Variants in COMMD7 observed in about 807,000 individuals in gnomAD.
COMMD7 encodes COMM domain containing 7, also known as COMM domain-containing protein 7.
A neutral mutation model predicts 34.8 loss-of-function variants in COMMD7; 28 were observed. The ratio of observed to expected loss-of-function variants is 0.80; its 90% CI spans 0.60 to 1.10. The LOEUF (loss-of-function observed/expected upper bound fraction) is 1.10. Ranked by LOEUF, COMMD7 falls within the 50% of genes least tolerant of loss-of-function variation. The pLI is 0.00. For synonymous variants in COMMD7, 80 were observed against 86.4 expected, an observed-to-expected ratio of 0.93 and a Z score of 0.41; for missense variants, 211 against 241.6, an observed-to-expected ratio of 0.87 and a Z score of 0.84.
chr20:32,729,622 A>AG (rs1021796717), intron 1 of COMMD7, among the ~76,000 whole-genome samples: 2 of 151,508 alleles, frequency 1.3e-5, no homozygotes, highest in African/African-American at 4.9e-5. Flanking sequence ...CTCTTAAAAA[A>AG]AAAAAAAAGG....
chr20:32,712,612 TAA>T (rs34447587), intron 3 of COMMD7, among the ~76,000 whole-genome samples: 6 of 141,884 alleles, frequency 4.2e-5, no homozygotes, highest in Non-Finnish European at 6.0e-5. Context: ...CCCAGACCTT[TAA>T]AAAAAAAAAA....
At chr20:32,720,872 C>T (rs565213858) in intron 3 of COMMD7, among the ~76,000 whole-genome samples, 8 of 152,262 alleles carry the variant, frequency 5.3e-5, no homozygotes, top group African/African-American at 1.4e-4. Flanking sequence ...CTATTCAATT[C>T]GCTCTGCACG....
At chr20:32,712,581 C>T (rs1984525927) in intron 3 of COMMD7, among the ~76,000 whole-genome samples, 4 of 147,812 alleles carry the variant, frequency 2.7e-5, no homozygotes. Context: ...TGTAACAAAT[C>T]TGCACACCCT....
At chr20:32,703,969 GA>G in intron 8 of COMMD7, 53 bp downstream of exon 8, 1 of 1,612,884 alleles carries the variant, frequency 6.2e-7, no homozygotes, top group Non-Finnish European at 8.5e-7. Flanking sequence ...ACCAGCCCCT[GA>G]TTGCAGAGAA....
intron 1 of COMMD7, among the ~76,000 whole-genome samples, chr20:32,736,111 T>A (rs921638690): frequency 1.1e-4 from 16 of 152,158 alleles, no homozygotes; most frequent in Non-Finnish European, 1.6e-4. Flanking sequence ...GACCATCAAA[T>A]ATTCCTAAGT....
chr20:32,739,954 G>A (rs935198130), intron 1 of COMMD7, among the ~76,000 whole-genome samples: 9 of 142,512 alleles, frequency 6.3e-5, no homozygotes, highest in South Asian at 2.5e-4. Context: ...CCCTGTAGGC[G>A]GAGGTTTCAG....
In COMMD7 at chr20:32,704,895, T is replaced by C. The variant is rs1983973631; in HGVS notation, c.346A>G (p.Asn116Asp). Reference protein sequence around the residue: ...ATYFSEKWKQNAPTLARWAIG... With the variant: ...ATYFSEKWKQDAPTLARWAIG... ...GCCCATCGAGCAAGGGTGGGAGCAT[T>C]CTGCTTCCACTGGAACAAAAGCAAA... The change falls in exon 6 of 9, where the codon AAT (asparagine) becomes GAT (aspartate). Residue 116 changes from asparagine to aspartate, a missense_variant. Coordinates refer to ENST00000278980, the MANE Select transcript of COMMD7 (RefSeq NM_053041.3). The C allele has an allele frequency of 6.2e-7, 1 of 1,612,460 alleles. No homozygotes were observed. The highest frequency in any genetic ancestry group is 8.5e-7 in the Non-Finnish European group (1 of 1,178,556).
rs1296420443 is a variant in COMMD7 at position 32,704,467 on chromosome 20, CA to C, written c.449del (p.Leu150TrpfsTer11). On this transcript the variant is annotated frameshift_variant, in exon 7 of 9. Transcript: ENST00000278980. LOFTEE classifies it high-confidence loss of function. Reference sequence around the variant, plus strand: ...GTAAAAATATACTTCCCACTTTCTCCAATTCGCTGCTCCCAGATGTCACTGT... The same window carrying C: ...GTAAAAATATACTTCCCACTTTCTCCATTCGCTGCTCCCAGATGTCACTGT... ...KFGVTSGSSE[L>X]EKVGSIFLQL... 2.5e-6 allele frequency: 4 copies of C among 1,608,300 alleles called. No homozygotes were observed. The South Asian group carries it at 4.4e-5, about 18-fold the overall frequency.
At chr20:32,707,290 A>ATATATATATAT (rs1555822509) in intron 3 of COMMD7, among the ~76,000 whole-genome samples, 1 of 119,784 alleles carries the variant, frequency 8.3e-6, no homozygotes, top group Non-Finnish European at 1.9e-5. Context: ...TCTCAAAAAA[A>ATATATATATAT]AAAAATATAT....
At chr20:32,739,643 T>C (rs1337406301) in intron 1 of COMMD7, among the ~76,000 whole-genome samples, 1 of 22,266 alleles carries the variant, frequency 4.5e-5, no homozygotes, top group Non-Finnish European at 1.4e-4. Context: ...AGGCTCTGTA[T>C]CAAAAAAAAA....
At chr20:32,739,878 T>C (rs6058852) in intron 1 of COMMD7, among the ~76,000 whole-genome samples, 85,758 of 139,280 alleles carry the variant, frequency 0.62, 31,748 homozygotes, top group Middle Eastern at 0.78. Flanking sequence ...AAAAATTAGA[T>C]GGGCATGGTG....
chr20:32,728,410 C>A (rs927365003), intron 1 of COMMD7, among the ~76,000 whole-genome samples: 1 of 150,034 alleles, frequency 6.7e-6, no homozygotes, highest in African/African-American at 2.5e-5. Flanking sequence ...CAGATGCACA[C>A]ATATATCTCT....
intron 3 of COMMD7, among the ~76,000 whole-genome samples, chr20:32,726,822 T>C (rs1481401672): frequency 6.6e-6 from 1 of 152,176 alleles, no homozygotes; most frequent in Non-Finnish European, 1.5e-5. Flanking sequence ...TGGAATATTC[T>C]GGTTCAAGCC....
intron 1 of COMMD7, among the ~76,000 whole-genome samples, chr20:32,729,169 T>TA (rs1985697672): frequency 7.6e-6 from 1 of 131,950 alleles, no homozygotes; most frequent in Middle Eastern, 3.4e-3. Context: ...TTATTTTGAT[T>TA]TTTTTTTTTT....
intron 3 of COMMD7, among the ~76,000 whole-genome samples, chr20:32,716,532 G>A (rs1033501108): frequency 3.9e-5 from 6 of 152,098 alleles, no homozygotes; most frequent in Non-Finnish European, 7.4e-5. Context: ...GGAGAATGGC[G>A]TGAACCCGGG....
At chr20:32,727,697 AC>A (rs1280725365) in intron 3 of COMMD7, among the ~76,000 whole-genome samples, 195 bp downstream of exon 3, 9 of 16,498 alleles carry the variant, frequency 5.5e-4, no homozygotes, top group African/African-American at 1.6e-3. Flanking sequence ...GCTGTGCTGC[AC>A]CACAGCACAC....
rs11473460 is a variant in COMMD7 at position 32,737,837 on chromosome 20, T to TA, written c.84+5470dup. On this transcript the variant is annotated intron_variant, in intron 1 of 8. Transcript: ENST00000278980. ...TTGGCAACAGAGTGAGGTCCTGTCTTAAAAAAAAAAAAAGAAAATGAGTCA... is the reference window on the plus strand; with the variant it reads ...TTGGCAACAGAGTGAGGTCCTGTCTTAAAAAAAAAAAAAAGAAAATGAGTCA... 1.6e-3 allele frequency among the ~76,000 whole-genome samples: 232 copies of TA among 141,120 alleles called. 1 individual carries two copies. Among genetic ancestry groups the TA allele is most frequent in the East Asian group, 4.1e-3 (20 of 4,832 alleles). 92.6% of individuals were successfully genotyped at this position (141,120 alleles called of 152,430 possible).
chr20:32,728,739 T>A (rs1042047928), intron 1 of COMMD7, among the ~76,000 whole-genome samples: 1 of 151,838 alleles, frequency 6.6e-6, no homozygotes, highest in African/African-American at 2.4e-5. Flanking sequence ...ACTAATTTTT[T>A]TTTTAATGTA....
intron 1 of COMMD7, among the ~76,000 whole-genome samples, chr20:32,738,342 A>G (rs1017095384): frequency 6.6e-6 from 1 of 152,078 alleles, no homozygotes; most frequent in African/African-American, 2.4e-5. Context: ...TAATCCCAAC[A>G]CTTTGGGAGG....
Sources: gnomAD v4.1 joint callset for allele counts (sites outside exome capture counted in the v4.1 genomes callset) on GRCh38, gnomAD v4.1.1 for gene constraint, MANE v1.5 for transcripts, NCBI Gene and HGNC (gene_info 2026-07-23, HGNC 2026-07-21) for gene names.